Variants in PUS7 observed in about 807,000 individuals in gnomAD.
The protein encoded by PUS7 is pseudouridylate synthase 7 homolog.
In PUS7, 48 loss-of-function variants were observed where a neutral mutation model predicts 79.8. The ratio of observed to expected loss-of-function variants is 0.60; its 90% CI spans 0.48 to 0.76. PUS7 has a LOEUF of 0.76. Among genes scored for constraint, PUS7 ranks in the 30% least tolerant of loss-of-function variants. PUS7 has a pLI of 0.00. For missense variants in PUS7, 729 were observed against 797.6 expected (o/e 0.91, Z 1.04); for synonymous variants, 286 against 272.2 (o/e 1.05, Z -0.50).
At position 105,472,806 on chromosome 7, in the gene PUS7, T is replaced by C. The variant is rs538817179; in HGVS notation, c.1176-613A>G. On this transcript the variant is annotated intron_variant, in intron 9 of 15. Transcript: ENST00000469408. ...TTTCGCTCTGTTGCCCAGGCTGGAG[T>C]GCAATGATGCGATCTCGGCTCACTG... is the stretch of plus-strand genomic sequence containing the variant. Among the ~76,000 whole-genome samples, 8 of 152,102 alleles carry C rather than the reference T, an allele frequency of 5.3e-5. No individual in the cohort carries two copies. The South Asian group carries it at 8.3e-4, about 16-fold the overall frequency.
intron 9 of PUS7, among the ~76,000 whole-genome samples, chr7:105,473,736 T>G (rs941108337): frequency 6.6e-6 from 1 of 152,058 alleles, no homozygotes; most frequent in Non-Finnish European, 1.5e-5. Flanking sequence ...GTATTTTTAG[T>G]AGAGACGAGG....
At position 105,502,403 on chromosome 7, in the gene PUS7, T is replaced by G; in HGVS notation, c.730+17A>C. ...TCACGGCTGCCTGGCAGGAGGAAGCTGCTCACAGACACCTACTTGCCAAAG... is the reference window on the plus strand; with the variant it reads ...TCACGGCTGCCTGGCAGGAGGAAGCGGCTCACAGACACCTACTTGCCAAAG... On this transcript the variant is annotated intron_variant, in intron 5 of 15. Coordinates refer to ENST00000469408, the MANE Select transcript of PUS7 (RefSeq NM_019042.5). 1.9e-6 allele frequency: 3 copies of G among 1,613,554 alleles called. No homozygotes were observed. Among genetic ancestry groups the G allele is most frequent in the Non-Finnish European group, 2.5e-6 (3 of 1,179,722 alleles).
chr7:105,502,662 T>C (rs1300258241), intron 4 of PUS7, 98 bp from the exon 5 acceptor site: 5 of 1,314,314 alleles, frequency 3.8e-6, no homozygotes, highest in Non-Finnish European at 4.2e-6. Flanking sequence ...CCTTATTAAC[T>C]ACGCAAAATA....
chr7:105,456,525 TTTGA>T lies in PUS7; in HGVS notation c.*1261_*1264del, dbSNP rs534721518. On this transcript the variant is annotated 3_prime_UTR_variant, in exon 16 of 16. Coordinates refer to ENST00000469408, the MANE Select transcript of PUS7 (RefSeq NM_019042.5). ...ATCTGCACTCATTTTGATATATTTA[TTTGA>T]TTTATTTACATAACCAGTAGAAAGG... 1 of 152,354 alleles carries T rather than the reference TTTGA, an allele frequency of 6.6e-6. No individual in the cohort carries two copies. The highest frequency in any genetic ancestry group is 2.4e-5 in the African/African-American group (1 of 41,588). The allele number at this position is 152,354 out of a possible 1,614,324, so 9.4% of individuals were successfully genotyped here.
At chr7:105,484,654 A>G (rs931929522) in intron 7 of PUS7, among the ~76,000 whole-genome samples, 4 of 151,664 alleles carry the variant, frequency 2.6e-5, no homozygotes, top group African/African-American at 9.7e-5. Context: ...CCCCGTCTCT[A>G]CTAAAAATAC....
chr7:105,520,000 C>T (rs2133310113), intron 1 of PUS7, among the ~76,000 whole-genome samples: 1 of 152,298 alleles, frequency 6.6e-6, no homozygotes, highest in East Asian at 1.9e-4. Flanking sequence ...TTCATTAATA[C>T]AGTACATGCA....
chr7:105,466,289 GC>G (rs1382803527), intron 12 of PUS7, among the ~76,000 whole-genome samples: 1 of 152,030 alleles, frequency 6.6e-6, no homozygotes, highest in African/African-American at 2.4e-5. Flanking sequence ...ACAGGGTCTT[GC>G]TCTGCCACTA....
intron 6 of PUS7, among the ~76,000 whole-genome samples, chr7:105,493,536 TC>T (rs1428969542): frequency 1.3e-5 from 2 of 152,130 alleles, no homozygotes; most frequent in Non-Finnish European, 2.9e-5. Flanking sequence ...GAACTGTGTC[TC>T]CCCCAAAATT....
At chr7:105,504,903 T>C (rs1288856935) in intron 4 of PUS7, among the ~76,000 whole-genome samples, 11 of 152,210 alleles carry the variant, frequency 7.2e-5, no homozygotes, top group Admixed American at 5.2e-4. Flanking sequence ...TTCTGAAAAG[T>C]TGTAGTACGC....
intron 2 of PUS7, among the ~76,000 whole-genome samples, chr7:105,507,270 T>G (rs1241620429): frequency 1.3e-5 from 2 of 152,114 alleles, no homozygotes; most frequent in East Asian, 3.9e-4. Context: ...GGTCTCAAAC[T>G]CCTGACCTCA....
At chr7:105,510,805 G>A (rs1357899369) in intron 1 of PUS7, among the ~76,000 whole-genome samples, 5 of 152,068 alleles carry the variant, frequency 3.3e-5, no homozygotes, top group African/African-American at 9.7e-5. Context: ...ATGAGCCACC[G>A]TGTCTGGTCT....
At position 105,462,731 on chromosome 7, in the gene PUS7, T is replaced by G; in HGVS notation, c.1647A>C (p.Glu549Asp). The change falls in exon 14 of 16, where the codon GAA (glutamate) becomes GAC (aspartate). Residue 549 changes from glutamate (E) to aspartate (D), a missense_variant. Transcript: ENST00000469408. ...TATCAAGATTGTCAGCTGTGAGCAT[T>G]TCCCTGTAGGCTTCTTGAACTAATA... ...PKHKIQEAYREMLTADNLDID... is the reference protein window; with the variant it reads ...PKHKIQEAYRDMLTADNLDID... 2 of 1,613,060 alleles carry G rather than the reference T, an allele frequency of 1.2e-6. No individual in the cohort carries two copies. The highest frequency in any genetic ancestry group is 1.7e-6 in the Non-Finnish European group (2 of 1,179,842).
chr7:105,473,039 G>C (rs574732799), intron 9 of PUS7, among the ~76,000 whole-genome samples: 213 of 151,726 alleles, frequency 1.4e-3, no homozygotes, highest in African/African-American at 4.2e-3. Flanking sequence ...GGGATTACAG[G>C]CATAAGCCCC....
In PUS7 at chr7:105,508,381, T is replaced by C. The variant is rs1038667542; in HGVS notation, c.132A>G (p.Gln44=). The C allele has an allele frequency of 1.9e-6, 3 of 1,614,162 alleles. No individual in the cohort carries two copies. Among genetic ancestry groups the C allele is most frequent in the Non-Finnish European group, 8.5e-7 (1 of 1,180,034 alleles). The change falls in exon 2 of 16, where the codon CAA becomes CAG. Residue 44 remains glutamine, a synonymous_variant. Coordinates refer to ENST00000469408, the MANE Select transcript of PUS7 (RefSeq NM_019042.5). ...ACAGAAAGTCATTCTGTAGCCCATC[T>C]TGACCTTTGGTTAGACTGCATTCCG... ...KLSECSLTKG[Q]DGLQNDFLSI...
At position 105,470,732 on chromosome 7, in the gene PUS7, G is replaced by A. The variant is rs921606828; in HGVS notation, c.1354C>T (p.Leu452Phe). ...RCVEGQLLRG[L>F]SKYGMKNIVS... is the part of the protein sequence containing the mutation. Reference sequence around the variant, plus strand: ...ATATTCTTCATTCCATATTTTGAAAGTCCTCGAAGCAGCTGCCCTTCCACA... The same window carrying A: ...ATATTCTTCATTCCATATTTTGAAAATCCTCGAAGCAGCTGCCCTTCCACA... The change falls in exon 11 of 16, where the codon CTT becomes TTT. Residue 452 changes from leucine (L) to phenylalanine (F), a missense_variant. Leu to Phe is a conservative substitution (Grantham distance 22). Transcript: ENST00000469408. 1.2e-6 allele frequency: 2 copies of A among 1,610,482 alleles called. No individual in the cohort carries two copies. Among genetic ancestry groups the A allele is most frequent in the Non-Finnish European group, 1.7e-6 (2 of 1,177,310 alleles).
At chr7:105,513,015 T>C (rs1271493552) in intron 1 of PUS7, among the ~76,000 whole-genome samples, 2 of 152,110 alleles carry the variant, frequency 1.3e-5, no homozygotes, top group Non-Finnish European at 2.9e-5. Flanking sequence ...GTCCTCCTGA[T>C]ATGAGGGTCC....
At chr7:105,505,245 C>T (rs1414009895) in intron 4 of PUS7, among the ~76,000 whole-genome samples, 1 of 152,126 alleles carries the variant, frequency 6.6e-6, no homozygotes, top group African/African-American at 2.4e-5. Flanking sequence ...TCAAGTGATC[C>T]GCCCACCTTG....
Position 105,485,172 on chromosome 7 carries a change from T to A in PUS7, c.921-2732A>T, listed in dbSNP as rs113223414. Among the ~76,000 whole-genome samples, 497 of 151,748 alleles carry A rather than the reference T, an allele frequency of 3.3e-3. 7 individuals carry two copies. Among genetic ancestry groups the A allele is most frequent in the African/African-American group, 8.4e-3 (348 of 41,402 alleles). ...ACCTGGTCAGAGATTCTTTTTTTTT[T>A]AATCTCAAATGTAAGTAGAGTACTG... On this transcript the variant is annotated intron_variant, in intron 7 of 15. Transcript: ENST00000469408.
chr7:105,506,391 C>T, intron 2 of PUS7, 118 bp from the exon 3 acceptor site: 1 of 687,354 alleles, frequency 1.5e-6, no homozygotes, highest in Non-Finnish European at 2.4e-6. Context: ...TTTAAAAAAT[C>T]TTCAGTGCAA....
Sources: gnomAD v4.1 joint callset for allele counts (sites outside exome capture counted in the v4.1 genomes callset) on GRCh38, gnomAD v4.1.1 for gene constraint, MANE v1.5 for transcripts, NCBI Gene and HGNC (gene_info 2026-07-23, HGNC 2026-07-21) for gene names.